The following FIG4 variants were observed in gnomAD, a reference collection of about 807,000 sequenced individuals.
The protein encoded by FIG4 is FIG4 phosphoinositide 5-phosphatase.
A neutral mutation model predicts 118.6 loss-of-function variants in FIG4; 112 were observed. The observed-to-expected ratio is 0.94, with a 90% CI of 0.81 to 1.11. The LOEUF (loss-of-function observed/expected upper bound fraction) is 1.11. FIG4 is among the 50% of genes least tolerant of loss of function. The pLI is 0.00. For synonymous variants in FIG4, 369 were observed against 381.2 expected, an observed-to-expected ratio of 0.97 and a Z score of 0.37; for missense variants, 969 against 1,111.7, an observed-to-expected ratio of 0.87 and a Z score of 1.83.
chr6:109,801,010 A>T (rs1329000136), intron 22 of FIG4, among the ~76,000 whole-genome samples: 2 of 152,160 alleles, frequency 1.3e-5, no homozygotes, highest in Non-Finnish European at 2.9e-5. Context: ...CAAGACCAAC[A>T]CGTTCTCATT....
chr6:109,763,828 C>G, intron 12 of FIG4, 109 bp from the exon 13 acceptor site: 2 of 778,520 alleles, frequency 2.6e-6, no homozygotes, highest in South Asian at 2.9e-5. Flanking sequence ...TTTTCAGGAG[C>G]CTTCAGCTCT....
At chr6:109,741,756 G>GCAA (rs1418669640) in intron 8 of FIG4, among the ~76,000 whole-genome samples, 2 of 152,006 alleles carry the variant, frequency 1.3e-5, no homozygotes, top group Non-Finnish European at 2.9e-5. Context: ...TACATAATAT[G>GCAA]GCCTAGTGCT....
chr6:109,731,106 TG>T (rs1775986584), intron 4 of FIG4, among the ~76,000 whole-genome samples: 1 of 152,194 alleles, frequency 6.6e-6, no homozygotes, highest in Admixed American at 6.5e-5. Flanking sequence ...CCTAGTAATT[TG>T]GGAAATGCAA....
At chr6:109,695,601 G>GACACACACACACACACACACACACAC (rs202167631) in intron 1 of FIG4, among the ~76,000 whole-genome samples, 2 of 99,268 alleles carry the variant, frequency 2.0e-5, no homozygotes, top group Admixed American at 2.0e-4. Flanking sequence ...CACACACACA[G>GACACACACACACACACACACACACAC]ACACACACAC....
chr6:109,789,525 T>G, intron 18 of FIG4, 69 bp from the exon 19 acceptor site: 7 of 1,113,714 alleles, frequency 6.3e-6, no homozygotes, highest in East Asian at 2.4e-5. Flanking sequence ...GAGTGTGAAC[T>G]GAGATGGAAG....
At chr6:109,823,206 G>C (rs912337984) in intron 22 of FIG4, among the ~76,000 whole-genome samples, 2 of 152,140 alleles carry the variant, frequency 1.3e-5, no homozygotes, top group African/African-American at 2.4e-5. Context: ...GTTGAAGACA[G>C]ATCAGTGTTT....
intron 10 of FIG4, among the ~76,000 whole-genome samples, chr6:109,748,455 G>A (rs1776574699): frequency 6.6e-6 from 1 of 152,000 alleles, no homozygotes. Flanking sequence ...CACGAGGTGG[G>A]GTATTTAAAG....
intron 1 of FIG4, among the ~76,000 whole-genome samples, chr6:109,706,436 T>A (rs1368683985): frequency 6.6e-6 from 1 of 152,212 alleles, no homozygotes; most frequent in East Asian, 1.9e-4. Context: ...CATGCCTCTG[T>A]TATAGCATGC....
intron 11 of FIG4, among the ~76,000 whole-genome samples, chr6:109,761,364 G>T (rs543155245): frequency 7.9e-4 from 119 of 151,560 alleles, no homozygotes; most frequent in African/African-American, 1.7e-3. Context: ...CTAATTTTTT[G>T]TTGTTGTTGT....
intron 1 of FIG4, 108 bp downstream of exon 1, chr6:109,691,609 G>C (rs1774419615): frequency 9.9e-7 from 1 of 1,014,782 alleles, no homozygotes; most frequent in Admixed American, 2.0e-5. Context: ...TTCCTCTCCA[G>C]TTCCCAAATC....
chr6:109,699,856 A>G (rs1774852837), intron 1 of FIG4, among the ~76,000 whole-genome samples: 1 of 152,102 alleles, frequency 6.6e-6, no homozygotes, highest in South Asian at 2.1e-4. Context: ...GGCTGCTGTA[A>G]CAAAATCCCA....
rs781622824 is a variant in FIG4, at chr6:109,765,162, G to A, written c.1583+1G>A. ...TACAGTTTGATACAGATGCAGTTAG[G>A]TAAGTCTTATTTTTTGCTATTTGAA... On this transcript the variant is annotated splice_donor_variant, in intron 14 of 22. Transcript: ENST00000230124. LOFTEE classifies it high-confidence loss of function. 6.2e-7 allele frequency: 1 copy of A among 1,613,924 alleles called. No individual in the cohort carries two copies. The highest frequency in any genetic ancestry group is 2.2e-5 in the East Asian group (1 of 44,860).
chr6:109,712,656 C>T (rs1327659328), intron 1 of FIG4, among the ~76,000 whole-genome samples: 1 of 152,100 alleles, frequency 6.6e-6, no homozygotes, highest in Non-Finnish European at 1.5e-5. Flanking sequence ...TTTTAGCTTC[C>T]TTGGATTGGG....
At chr6:109,793,365 C>A (rs1778192166) in intron 21 of FIG4, among the ~76,000 whole-genome samples, 1 of 152,152 alleles carries the variant, frequency 6.6e-6, no homozygotes, top group Non-Finnish European at 1.5e-5. Context: ...TAATAGGGTG[C>A]TAATTCACAA....
At chr6:109,761,121 A>G (rs1777091680) in intron 11 of FIG4, among the ~76,000 whole-genome samples, 1 of 152,236 alleles carries the variant, frequency 6.6e-6, no homozygotes, top group Non-Finnish European at 1.5e-5. Context: ...GAGTCATTTT[A>G]TACAGTTAGA....
intron 6 of FIG4, among the ~76,000 whole-genome samples, chr6:109,738,033 C>T (rs1207659372): frequency 1.3e-5 from 2 of 152,132 alleles, no homozygotes; most frequent in Non-Finnish European, 2.9e-5. Flanking sequence ...TGTAACATGT[C>T]CTCAATTTCC....
chr6:109,786,117 T>G, intron 17 of FIG4, 185 bp from the exon 18 acceptor site: 2 of 599,476 alleles, frequency 3.3e-6, no homozygotes, highest in Non-Finnish European at 5.9e-6. Flanking sequence ...GCATTGTATT[T>G]TCTATGCATC....
chr6:109,771,330 TC>T (rs1267594369), intron 15 of FIG4, among the ~76,000 whole-genome samples: 1 of 152,154 alleles, frequency 6.6e-6, no homozygotes, highest in Admixed American at 6.5e-5. Context: ...AGTTCATTCT[TC>T]CCCTCTCCAA....
rs370115339 is a variant in FIG4 at position 109,735,211 on chromosome 6, G to A, written c.559G>A (p.Glu187Lys). The change falls in exon 6 of 23, where the codon GAG becomes AAG. Residue 187 changes from glutamate to lysine, a missense_variant. Physicochemically the swap from Glu to Lys is moderately conservative, Grantham distance 56. This residue lies in a region of FIG4 where 393 missense variants were observed against 409.4 expected (regional missense o/e 0.96). Transcript: ENST00000230124. The stretch of plus-strand genomic sequence containing the variant: ...TCTCACTGTCTTGCGAATGCCCCTG[G>A]AGATGTTAAAGTCAGAAATGACCCA... ...YNLTVLRMPL[E>K]MLKSEMTQNR... The A allele has an allele frequency of 1.2e-5, 20 of 1,612,894 alleles. No individual in the cohort carries two copies. The highest frequency in any genetic ancestry group is 1.7e-5 in the Non-Finnish European group (20 of 1,179,146).
Sources: allele counts gnomAD v4.1 joint callset (sites outside exome capture counted in the v4.1 genomes callset), GRCh38; gene constraint gnomAD v4.1.1; regional missense constraint gnomAD v4.1.1; transcripts MANE v1.5; gene names NCBI Gene and HGNC (gene_info 2026-07-23, HGNC 2026-07-21).